Variants in CEP85L observed in about 807,000 individuals in gnomAD.
The protein encoded by CEP85L is centrosomal protein 85L.
CEP85L carries 60 observed loss-of-function variants against 100.3 expected under a neutral mutation model. The observed-to-expected ratio is 0.60, with a 90% CI of 0.49 to 0.74. CEP85L has a LOEUF of 0.74. CEP85L is among the 30% of genes least tolerant of loss of function. CEP85L has a pLI of 0.00. For synonymous variants in CEP85L, 319 were observed against 322.7 expected (o/e 0.99, Z 0.12); for missense variants, 973 against 936.2 (o/e 1.04, Z -0.51).
intron 2 of CEP85L, among the ~76,000 whole-genome samples, chr6:118,578,379 T>C (rs912620686): frequency 2.6e-5 from 4 of 152,220 alleles, no homozygotes; most frequent in African/African-American, 9.6e-5. Context: ...TAATTTAGAT[T>C]GTTTGGTCCA....
At chr6:118,508,459 GA>G (rs1338180414) in intron 5 of CEP85L, among the ~76,000 whole-genome samples, 2 of 151,996 alleles carry the variant, frequency 1.3e-5, no homozygotes, top group Non-Finnish European at 2.9e-5. Context: ...ACCACAGATG[GA>G]AATTTAGGTA....
intron 4 of CEP85L, among the ~76,000 whole-genome samples, chr6:118,518,641 A>ATAGCAGTCT (rs1776427654): frequency 6.6e-6 from 1 of 151,814 alleles, no homozygotes; most frequent in African/African-American, 2.4e-5. Flanking sequence ...ATTAGTCTGG[A>ATAGCAGTCT]TAGCAGTCTA....
intron 1 of CEP85L, chr6:118,647,228 G>A (rs765631765): frequency 1.7e-4 from 32 of 193,266 alleles, no homozygotes; most frequent in Non-Finnish European, 2.5e-4. Flanking sequence ...CAATTAAGAG[G>A]TAAATGTAAA....
intron 12 of CEP85L, among the ~76,000 whole-genome samples, chr6:118,468,299 T>C (rs1415177194): frequency 5.3e-5 from 8 of 152,180 alleles, no homozygotes; most frequent in Admixed American, 4.6e-4. Flanking sequence ...AAAACCAGTA[T>C]TATTAACCAT....
At chr6:118,474,304 C>T (rs1773185165) in intron 10 of CEP85L, among the ~76,000 whole-genome samples, 1 of 152,218 alleles carries the variant, frequency 6.6e-6, no homozygotes, top group African/African-American at 2.4e-5. Flanking sequence ...TCTCTGACTT[C>T]TCACATCTCA....
At chr6:118,529,597 G>C (rs2114818125) in intron 3 of CEP85L, among the ~76,000 whole-genome samples, 1 of 114,288 alleles carries the variant, frequency 8.7e-6, no homozygotes, top group African/African-American at 3.6e-5. Context: ...GACAGAGCGA[G>C]ACTCTGTCTC....
chr6:118,491,346 G>A, intron 6 of CEP85L: 1 of 404,196 alleles, frequency 2.5e-6, no homozygotes, highest in Non-Finnish European at 3.6e-6. Flanking sequence ...ATTAAAGATA[G>A]GCCAGCTTCA....
chr6:118,522,569 C>T (rs1049468602), intron 4 of CEP85L, among the ~76,000 whole-genome samples: 2 of 151,850 alleles, frequency 1.3e-5, no homozygotes, highest in African/African-American at 4.8e-5. Flanking sequence ...ATACTAATAC[C>T]AGGCTCTTTT....
intron 1 of CEP85L, among the ~76,000 whole-genome samples, chr6:118,650,237 T>C (rs913788369): frequency 6.6e-6 from 1 of 152,194 alleles, no homozygotes; most frequent in Non-Finnish European, 1.5e-5. Flanking sequence ...TTGTTTTTTC[T>C]GCGCAGAATG....
At chr6:118,520,137 G>T (rs189397211) in intron 4 of CEP85L, among the ~76,000 whole-genome samples, 1 of 152,196 alleles carries the variant, frequency 6.6e-6, no homozygotes, top group Non-Finnish European at 1.5e-5. Flanking sequence ...ACAAACTAGG[G>T]ACAAGAGAAG....
chr6:118,654,264 G>A (rs1338403669), upstream of CEP85L, among the ~76,000 whole-genome samples: 1 of 152,058 alleles, frequency 6.6e-6, no homozygotes, highest in African/African-American at 2.4e-5. Flanking sequence ...CTGGGCAACA[G>A]AGCAAAACCC....
intron 4 of CEP85L, among the ~76,000 whole-genome samples, chr6:118,515,211 G>C (rs1170303276): frequency 6.6e-6 from 1 of 152,050 alleles, no homozygotes; most frequent in Non-Finnish European, 1.5e-5. Context: ...TTGGGCCTAA[G>C]AGCACAGTGT....
intron 1 of CEP85L, among the ~76,000 whole-genome samples, chr6:118,698,407 A>G (rs1777283440): frequency 2.0e-5 from 3 of 152,180 alleles, no homozygotes; most frequent in South Asian, 4.1e-4. Context: ...TGATGAGATG[A>G]CCAGGTTCCT....
chr6:118,554,348 T>A (rs183445884), intron 3 of CEP85L, among the ~76,000 whole-genome samples: 2 of 152,314 alleles, frequency 1.3e-5, no homozygotes, highest in East Asian at 3.9e-4. Flanking sequence ...GGTCTCATTA[T>A]GTTGCCCAAG....
At chr6:118,598,063 T>C (rs1374889204) in intron 2 of CEP85L, among the ~76,000 whole-genome samples, 4 of 152,186 alleles carry the variant, frequency 2.6e-5, no homozygotes, top group Non-Finnish European at 1.5e-5. Context: ...GAACACAGTT[T>C]TAAAAAGAGT....
chr6:118,630,469 C>A (rs367722214), intron 2 of CEP85L, among the ~76,000 whole-genome samples: 2 of 152,168 alleles, frequency 1.3e-5, no homozygotes, highest in East Asian at 3.8e-4. Flanking sequence ...GACATCCACA[C>A]AAAAACCTAC....
rs1777208855 is a variant in CEP85L, at chr6:118,530,122, C to T, written c.1021-6202G>A. 3.9e-5 allele frequency among the ~76,000 whole-genome samples: 6 copies of T among 152,032 alleles called. No individual in the cohort carries two copies. In the South Asian group the frequency reaches 1.2e-3, roughly 32 times the overall value. ...GATAAAATAATCACAAATGTTTACACATTTAATAGCATATCTCATATGAGA... is the reference window on the plus strand; with the variant it reads ...GATAAAATAATCACAAATGTTTACATATTTAATAGCATATCTCATATGAGA... On this transcript the variant is annotated intron_variant, in intron 3 of 12. Transcript: ENST00000368491.
intron 2 of CEP85L, among the ~76,000 whole-genome samples, chr6:118,571,121 TAGA>T (rs1176334098): frequency 2.0e-5 from 3 of 152,216 alleles, no homozygotes; most frequent in African/African-American, 7.2e-5. Flanking sequence ...GAAATGAGTC[TAGA>T]AAATGTTAAC....
rs910787834 is a variant in CEP85L, at chr6:118,540,688, C to T, written c.1021-16768G>A. On this transcript the variant is annotated intron_variant, in intron 3 of 12. Coordinates refer to ENST00000368491, the MANE Select transcript of CEP85L (RefSeq NM_001042475.3). The stretch of plus-strand genomic sequence containing the variant: ...AGGAGAATCGCTTGAACCTGGGAGG[C>T]GAAGCTTGCAGTGAACCAAGATCAC... Among the ~76,000 whole-genome samples, 7 of 151,934 alleles carry T rather than the reference C, an allele frequency of 4.6e-5. No individual in the cohort carries two copies. In the South Asian group the frequency reaches 6.3e-4, roughly 14 times the overall value.
Sources: gnomAD v4.1 joint callset for allele counts (sites outside exome capture counted in the v4.1 genomes callset) on GRCh38, gnomAD v4.1.1 for gene constraint, MANE v1.5 for transcripts, NCBI Gene and HGNC (gene_info 2026-07-23, HGNC 2026-07-21) for gene names.